PTPRR: variants seen among roughly 807,000 people sequenced by gnomAD.
PTPRR encodes the protein receptor-type tyrosine-protein phosphatase R.
Under a neutral mutation model 77.2 loss-of-function variants are expected in PTPRR, and 38 were observed. That is an observed-to-expected ratio of 0.49 (90% CI 0.38 to 0.65). PTPRR has a LOEUF of 0.65. Ranked by LOEUF, PTPRR falls within the 30% of genes least tolerant of loss-of-function variation. The pLI is 0.00. For missense variants in PTPRR, 744 were observed against 799.2 expected, an observed-to-expected ratio of 0.93 and a Z score of 0.83; for synonymous variants, 299 against 283.1, an observed-to-expected ratio of 1.06 and a Z score of -0.57.
At chr12:70,672,747 T>C (rs1168454754) in intron 10 of PTPRR, 8 of 1,552,472 alleles carry the variant, frequency 5.2e-6, no homozygotes, top group Non-Finnish European at 7.0e-6. Context: ...TCATCCTGAC[T>C]GGGACCTCCC....
chr12:70,684,438 T>C (rs546588433), intron 9 of PTPRR, among the ~76,000 whole-genome samples, 174 bp from the exon 10 acceptor site: 13 of 152,282 alleles, frequency 8.5e-5, no homozygotes, highest in African/African-American at 3.1e-4. Flanking sequence ...AAGTTAAGGA[T>C]AGCACATGGT....
At chr12:70,672,996 A>T in intron 10 of PTPRR, 2 of 1,321,342 alleles carry the variant, frequency 1.5e-6, no homozygotes, top group Non-Finnish European at 2.0e-6. Context: ...AGGGAGAAGG[A>T]TAGAGCTCTC....
At chr12:70,809,028 C>CT (rs1891761244) in intron 2 of PTPRR, among the ~76,000 whole-genome samples, 1 of 152,180 alleles carries the variant, frequency 6.6e-6, no homozygotes, top group African/African-American at 2.4e-5. Flanking sequence ...CAAGTCCCTT[C>CT]TTTTCTCTTG....
chr12:70,898,359 T>C (rs1283158754), intron 1 of PTPRR, among the ~76,000 whole-genome samples: 7 of 147,944 alleles, frequency 4.7e-5, no homozygotes, highest in African/African-American at 1.7e-4. Flanking sequence ...TATATGCACT[T>C]TTAAAAAGAC....
At position 70,764,709 on chromosome 12, in the gene PTPRR, C is replaced by A. The variant is rs771779943; in HGVS notation, c.427G>T (p.Ala143Ser). 6.2e-7 allele frequency: 1 copy of A among 1,614,112 alleles called. No homozygotes were observed. ...LRIFRQGVAA[A>S]LGLLPQQVHI... ...ACTTGCTGGGGTAAGAGTCCTAAAG[C>A]TGCAGCCACTCCTTGGCGGAAGATC... The change falls in exon 3 of 14, where the codon GCT becomes TCT. Residue 143 changes from alanine (A) to serine (S), a missense_variant. Around this residue, in one of 3 missense-constraint regions of PTPRR, gnomAD observed 570 missense variants for 573.2 expected, o/e 0.99. Coordinates refer to ENST00000283228, the MANE Select transcript of PTPRR (RefSeq NM_002849.4).
intron 2 of PTPRR, among the ~76,000 whole-genome samples, chr12:70,821,615 T>A (rs1565708919): frequency 6.6e-6 from 1 of 152,016 alleles, no homozygotes; most frequent in African/African-American, 2.4e-5. Flanking sequence ...TGGAGCTTAC[T>A]CTGTGAGGGA....
At chr12:70,673,503 T>C (rs1170008123) in intron 10 of PTPRR, among the ~76,000 whole-genome samples, 4 of 152,244 alleles carry the variant, frequency 2.6e-5, no homozygotes, top group Non-Finnish European at 5.9e-5. Context: ...CAACACTAAA[T>C]TGCATGTAAT....
intron 2 of PTPRR, among the ~76,000 whole-genome samples, chr12:70,862,708 T>G (rs1365073594): frequency 1.3e-5 from 2 of 151,772 alleles, no homozygotes; most frequent in East Asian, 3.9e-4. Flanking sequence ...ACCTGCACAT[T>G]GTGCACATGT....
chr12:70,847,579 C>A (rs770717511), intron 2 of PTPRR, among the ~76,000 whole-genome samples: 13 of 152,104 alleles, frequency 8.5e-5, no homozygotes, highest in Non-Finnish European at 1.5e-4. Context: ...ACTGGGTGAG[C>A]CATACTCTTC....
intron 2 of PTPRR, among the ~76,000 whole-genome samples, chr12:70,873,218 A>G (rs1892991654): frequency 6.6e-6 from 1 of 152,186 alleles, no homozygotes; most frequent in African/African-American, 2.4e-5. Flanking sequence ...TGAAATGATC[A>G]AGACTTCACA....
At chr12:70,701,099 A>G (rs757996433) in intron 7 of PTPRR, 38 bp downstream of exon 7, 7 of 1,608,668 alleles carry the variant, frequency 4.4e-6, no homozygotes, top group Non-Finnish European at 5.1e-6. Context: ...ATGTATCAAA[A>G]TACCGACTGA....
At chr12:70,863,656 A>G (rs1208756614) in intron 2 of PTPRR, among the ~76,000 whole-genome samples, 1 of 149,558 alleles carries the variant, frequency 6.7e-6, no homozygotes, top group Non-Finnish European at 1.5e-5. Flanking sequence ...TTTAGTCCAA[A>G]GATTCTAATG....
At chr12:70,715,095 A>C (rs1223842137) in intron 6 of PTPRR, among the ~76,000 whole-genome samples, 6 of 151,876 alleles carry the variant, frequency 4.0e-5, no homozygotes, top group African/African-American at 1.5e-4. Context: ...GTTCTTTTCT[A>C]TTTTCCCTAA....
intron 8 of PTPRR, 125 bp downstream of exon 8, chr12:70,698,140 C>T: frequency 1.5e-6 from 1 of 654,496 alleles, no homozygotes; most frequent in Non-Finnish European, 2.7e-6. Context: ...CATAGGTATA[C>T]ATGTGCCATT....
chr12:70,640,413 T>C (rs1051515948), intron 13 of PTPRR, among the ~76,000 whole-genome samples: 1 of 152,080 alleles, frequency 6.6e-6, no homozygotes, highest in Non-Finnish European at 1.5e-5. Flanking sequence ...CAAGTGATCC[T>C]CTTGTCTTGG....
intron 2 of PTPRR, among the ~76,000 whole-genome samples, chr12:70,794,906 G>C (rs1337677510): frequency 6.6e-6 from 1 of 150,600 alleles, no homozygotes; most frequent in Non-Finnish European, 1.5e-5. Flanking sequence ...TTCTGCATAT[G>C]TCATGCAAAA....
At chr12:70,644,540 A>C (rs1296985415) in intron 13 of PTPRR, among the ~76,000 whole-genome samples, 1 of 152,234 alleles carries the variant, frequency 6.6e-6, no homozygotes, top group African/African-American at 2.4e-5. Flanking sequence ...TCATCTGCAA[A>C]TGATGCGACA....
Position 70,701,235 on chromosome 12 carries a change from C to T in PTPRR, c.1096G>A (p.Val366Ile), listed in dbSNP as rs745987919. The T allele has an allele frequency of 1.9e-6, 3 of 1,613,850 alleles. No homozygotes were observed. In the East Asian group the frequency reaches 6.7e-5, roughly 36 times the overall value. The part of the protein sequence containing the change: ...FVSIPTPREK[V>I]AMEYLQSASR... ...GCTGACTGCAGATACTCCATTGCTA[C>T]CTTCTCCCGTGGTGTTGGTATAGAC... Residue 366 changes from valine (V) to isoleucine (I), a missense_variant, in exon 7 of 14, where the codon GTA becomes ATA. Coordinates refer to ENST00000283228, the MANE Select transcript of PTPRR (RefSeq NM_002849.4).
rs1474973770 is a variant in PTPRR, at chr12:70,638,281, T to A, written c.*903A>T. On this transcript the variant is annotated 3_prime_UTR_variant, in exon 14 of 14. Transcript: ENST00000283228. Reference sequence around the variant, plus strand: ...AGCCTCGAAAATGGGACAGATTATATCATTCCTGAAGGCATATACCTTTTG... The same window carrying A: ...AGCCTCGAAAATGGGACAGATTATAACATTCCTGAAGGCATATACCTTTTG... 6.6e-6 allele frequency: 1 copy of A among 152,454 alleles called. No individual in the cohort carries two copies. The highest frequency in any genetic ancestry group is 1.5e-5 in the Non-Finnish European group (1 of 68,016). 9.4% of individuals were successfully genotyped at this position (152,454 alleles called of 1,614,324 possible).
Sources: gnomAD v4.1 joint callset for allele counts (sites outside exome capture counted in the v4.1 genomes callset) on GRCh38, gnomAD v4.1.1 for gene constraint, gnomAD v4.1.1 regional missense constraint, MANE v1.5 for transcripts, NCBI Gene and HGNC (gene_info 2026-07-23, HGNC 2026-07-21) for gene names.